MYO3B: variants seen among roughly 807,000 people sequenced by gnomAD.
MYO3B encodes the protein myosin-IIIb.
Under a neutral mutation model 174.6 loss-of-function variants are expected in MYO3B, and 156 were observed. The observed-to-expected ratio is 0.89, with a 90% CI of 0.78 to 1.02. The LOEUF (loss-of-function observed/expected upper bound fraction) is 1.02. Ranked by LOEUF, MYO3B falls within the 50% of genes least tolerant of loss-of-function variation. MYO3B has a pLI of 0.00. For missense variants in MYO3B, 1,632 were observed against 1,639.4 expected, an observed-to-expected ratio of 1.00 and a Z score of 0.08; for synonymous variants, 563 against 569.1, an observed-to-expected ratio of 0.99 and a Z score of 0.15.
chr2:170,368,306 T>C (rs558090338), intron 8 of MYO3B, among the ~76,000 whole-genome samples: 2 of 152,230 alleles, frequency 1.3e-5, no homozygotes, highest in Admixed American at 6.5e-5. Context: ...CAATGTGGGC[T>C]TAAGGACAAG....
At chr2:170,400,396 C>T in intron 17 of MYO3B, 82 bp downstream of exon 17, 3 of 1,274,836 alleles carry the variant, frequency 2.4e-6, no homozygotes, top group Middle Eastern at 2.2e-4. Flanking sequence ...GCAGCATTTG[C>T]TGGTCCTTTT....
chr2:170,189,671 T>C (rs565139223), intron 1 of MYO3B, among the ~76,000 whole-genome samples: 2 of 152,238 alleles, frequency 1.3e-5, no homozygotes, highest in African/African-American at 4.8e-5. Flanking sequence ...GAATGTCTGC[T>C]TGATTGTTTT....
intron 7 of MYO3B, among the ~76,000 whole-genome samples, chr2:170,247,234 T>C (rs2093201148): frequency 6.6e-6 from 1 of 152,126 alleles, no homozygotes; most frequent in Non-Finnish European, 1.5e-5. Flanking sequence ...CAGAACACAG[T>C]AGTACTTGGG....
intron 7 of MYO3B, among the ~76,000 whole-genome samples, chr2:170,321,471 C>T (rs1488616304): frequency 1.3e-5 from 2 of 152,106 alleles, no homozygotes; most frequent in East Asian, 3.9e-4. Context: ...GAAGTAACTA[C>T]AGATACAGAG....
intron 32 of MYO3B, among the ~76,000 whole-genome samples, chr2:170,586,174 T>C (rs1442228259): frequency 1.3e-5 from 2 of 152,234 alleles, no homozygotes; most frequent in Non-Finnish European, 2.9e-5. Flanking sequence ...GATCTTTTTC[T>C]AGTAAACACT....
intron 32 of MYO3B, among the ~76,000 whole-genome samples, chr2:170,573,309 A>G (rs183434515): frequency 6.6e-6 from 1 of 152,002 alleles, no homozygotes. Context: ...GAATTATCTA[A>G]TAACTAGTAG....
At chr2:170,200,893 C>G (rs1266249649) in intron 3 of MYO3B, among the ~76,000 whole-genome samples, 3 of 152,186 alleles carry the variant, frequency 2.0e-5, no homozygotes, top group Non-Finnish European at 2.9e-5. Flanking sequence ...TGAATTGTAT[C>G]TCCACATCAG....
chr2:170,395,795 A>T (rs2094439637), intron 16 of MYO3B, among the ~76,000 whole-genome samples: 1 of 152,202 alleles, frequency 6.6e-6, no homozygotes, highest in African/African-American at 2.4e-5. Context: ...GAACGGAAGT[A>T]AATTCCTAGG....
At chr2:170,564,631 ATTTT>A (rs1691949038) in intron 32 of MYO3B, among the ~76,000 whole-genome samples, 1 of 152,224 alleles carries the variant, frequency 6.6e-6, no homozygotes, top group Non-Finnish European at 1.5e-5. Context: ...TAAAGATACA[ATTTT>A]TATACAAAAA....
chr2:170,250,112 C>A (rs541578780), intron 7 of MYO3B, among the ~76,000 whole-genome samples: 2 of 152,154 alleles, frequency 1.3e-5, no homozygotes, highest in Non-Finnish European at 2.9e-5. Flanking sequence ...ACGATGAGCC[C>A]TCTTCATAAG....
rs554201091 is a variant in MYO3B, at chr2:170,446,773, C to T, written c.2730+2727C>T. Among the ~76,000 whole-genome samples, 3 of 152,064 alleles carry T rather than the reference C, an allele frequency of 2.0e-5. No individual in the cohort carries two copies. The South Asian group carries it at 6.2e-4, about 32-fold the overall frequency. The stretch of plus-strand genomic sequence containing the variant: ...AGGTTTATGGCTGAGACCTCTATAA[C>T]AAAAAGCAGATTAACAAGAGAAAAG... On this transcript the variant is annotated intron_variant, in intron 23 of 34. Coordinates refer to ENST00000408978, the MANE Select transcript of MYO3B (RefSeq NM_138995.5).
intron 6 of MYO3B, among the ~76,000 whole-genome samples, chr2:170,218,653 A>T (rs1356450090): frequency 1.3e-5 from 2 of 152,194 alleles, no homozygotes; most frequent in African/African-American, 4.8e-5. Context: ...CTGTTTGTTC[A>T]AACAGCACCT....
In MYO3B at chr2:170,345,337, A is replaced by G. The variant is rs182993407; in HGVS notation, c.815+9887A>G. On this transcript the variant is annotated intron_variant, in intron 8 of 34. Coordinates refer to ENST00000408978, the MANE Select transcript of MYO3B (RefSeq NM_138995.5). ...GAAAATTTAGATATAATAAGTCATCATAGATTCTGTTGGTCTTATGTGCTT... is the reference window on the plus strand; with the variant it reads ...GAAAATTTAGATATAATAAGTCATCGTAGATTCTGTTGGTCTTATGTGCTT... 1.3e-5 allele frequency: 2 copies of G among 152,298 alleles called. 1 individual carries two copies. The highest frequency in any genetic ancestry group is 3.9e-4 in the East Asian group (2 of 5,184). 9.4% of individuals were successfully genotyped at this position (152,298 alleles called of 1,614,324 possible). A position where few individuals can be genotyped will look rare whatever the true frequency, so the allele number is the denominator to read the frequency against.
intron 8 of MYO3B, among the ~76,000 whole-genome samples, chr2:170,360,890 G>C (rs2094155656): frequency 6.6e-6 from 1 of 152,204 alleles, no homozygotes; most frequent in African/African-American, 2.4e-5. Flanking sequence ...CTGGAGGCTT[G>C]ATCTTGGAAT....
chr2:170,236,071 A>C lies in MYO3B; in HGVS notation c.684A>C (p.Glu228Asp). The C allele has an allele frequency of 3.7e-6, 6 of 1,614,054 alleles. No individual in the cohort carries two copies. Among genetic ancestry groups the C allele is most frequent in the Non-Finnish European group, 5.1e-6 (6 of 1,180,022 alleles). Residue 228 changes from glutamate to aspartate, a missense_variant, in exon 7 of 35, where the codon GAA becomes GAC. By Grantham distance (45) the Glu-to-Asp change is conservative. Transcript: ENST00000408978. ...GGTCCTTGGGGATCACAGCTATTGAACTGGGGGATGGAGACCCTCCCCTCT... is the reference window on the plus strand; with the variant it reads ...GGTCCTTGGGGATCACAGCTATTGACCTGGGGGATGGAGACCCTCCCCTCT... ...DVWSLGITAI[E>D]LGDGDPPLFD...
At chr2:170,431,382 A>G (rs2094707816) in intron 22 of MYO3B, among the ~76,000 whole-genome samples, 1 of 152,194 alleles carries the variant, frequency 6.6e-6, no homozygotes, top group Admixed American at 6.5e-5. Context: ...GCTCCTTGAA[A>G]CAGTCTGGGA....
At chr2:170,565,508 T>C (rs1386668777) in intron 32 of MYO3B, among the ~76,000 whole-genome samples, 1 of 152,194 alleles carries the variant, frequency 6.6e-6, no homozygotes, top group Non-Finnish European at 1.5e-5. Flanking sequence ...AGATGGGTAG[T>C]CTCTAAGGGA....
At chr2:170,210,385 T>C (rs2092757592) in intron 3 of MYO3B, among the ~76,000 whole-genome samples, 1 of 152,266 alleles carries the variant, frequency 6.6e-6, no homozygotes, top group South Asian at 2.1e-4. Flanking sequence ...TGTAATCTTT[T>C]ACTAAAAACA....
intron 25 of MYO3B, among the ~76,000 whole-genome samples, chr2:170,497,325 C>T (rs1433035910): frequency 6.6e-6 from 1 of 152,206 alleles, no homozygotes; most frequent in Admixed American, 6.5e-5. Context: ...CATAGAAATA[C>T]ACAAGTCTAG....
Sources: gnomAD v4.1 joint callset for allele counts (sites outside exome capture counted in the v4.1 genomes callset) on GRCh38, gnomAD v4.1.1 for gene constraint, MANE v1.5 for transcripts, NCBI Gene and HGNC (gene_info 2026-07-23, HGNC 2026-07-21) for gene names.